TNK1: variants seen among roughly 807,000 people sequenced by gnomAD.
The protein encoded by TNK1 is non-receptor tyrosine-protein kinase TNK1.
TNK1 carries 53 observed loss-of-function variants against 65.2 expected under a neutral mutation model. That is an observed-to-expected ratio of 0.81 (90% CI 0.65 to 1.02). TNK1 has a LOEUF of 1.02. TNK1 is among the 50% of genes least tolerant of loss of function. TNK1 has a pLI of 0.00. For synonymous variants in TNK1, 353 were observed against 364.6 expected, an observed-to-expected ratio of 0.97 and a Z score of 0.36; for missense variants, 837 against 878.4, an observed-to-expected ratio of 0.95 and a Z score of 0.60.
At chr17:7,386,431 G>C in intron 7 of TNK1, 130 bp from the exon 8 acceptor site, 1 of 667,818 alleles carries the variant, frequency 1.5e-6, no homozygotes, top group South Asian at 1.8e-5. Flanking sequence ...ACAATGGGGG[G>C]ACAGGGAGAG....
In TNK1 at chr17:7,382,741, A is replaced by G. The variant is rs112588249; in HGVS notation, c.-91-95A>G. 140 of 656,160 alleles carry G rather than the reference A, an allele frequency of 2.1e-4. No homozygotes were observed. The African/African-American group carries it at 2.4e-3, about 11-fold the overall frequency. 40.6% of individuals were successfully genotyped at this position (656,160 alleles called of 1,614,324 possible). The stretch of plus-strand genomic sequence containing the variant: ...ACCCGGATGCCTGGGCACGGGGAAC[A>G]TTCTATCTGGGATTTGTGTGCGTGA... On this transcript the variant is annotated intron_variant, in intron 1 of 12. Coordinates refer to ENST00000688331, the MANE Select transcript of TNK1 (RefSeq NM_003985.6). The surrounding 1 kb of genome is among the most constrained non-coding windows in gnomAD (Gnocchi z 4.1).
At chr17:7,380,346 T>C (rs999708597), upstream of TNK1, among the ~76,000 whole-genome samples, 28 of 152,088 alleles carry the variant, frequency 1.8e-4, no homozygotes, top group African/African-American at 4.3e-4. Flanking sequence ...CGGAGACAAA[T>C]GGTCCTCCTC....
At position 7,388,602 on chromosome 17, in the gene TNK1, A is replaced by AC. The variant is rs752611789; in HGVS notation, c.1679dup (p.His561ThrfsTer12). ...AGAGGCTTCCCTGGCCCAAAAGAAA[A>AC]CCCCCACACAATCACCCCATGGGAA... On this transcript the variant is annotated frameshift_variant, in exon 11 of 13. Coordinates refer to ENST00000688331, the MANE Select transcript of TNK1 (RefSeq NM_003985.6). LOFTEE classifies it high-confidence loss of function. The surrounding 1 kb of genome is among the most constrained non-coding windows in gnomAD (Gnocchi z 4.5). 2 of 1,612,816 alleles carry AC rather than the reference A, an allele frequency of 1.2e-6. No homozygotes were observed. Among genetic ancestry groups the AC allele is most frequent in the Non-Finnish European group, 1.7e-6 (2 of 1,179,686 alleles).
Position 7,389,234 on chromosome 17 carries a change from G to C in TNK1, c.*150G>C. ...CCACCTGCCGTAGGCACATGGAGGAGGAGCCCAGAGTTGGGCACTGGCAAA... is the reference window on the plus strand; with the variant it reads ...CCACCTGCCGTAGGCACATGGAGGACGAGCCCAGAGTTGGGCACTGGCAAA... On this transcript the variant is annotated 3_prime_UTR_variant, in exon 13 of 13. Coordinates refer to ENST00000688331, the MANE Select transcript of TNK1 (RefSeq NM_003985.6). The C allele has an allele frequency of 1.6e-6, 1 of 642,462 alleles. No individual in the cohort carries two copies. The highest frequency in any genetic ancestry group is 2.8e-5 in the East Asian group (1 of 36,324). 39.8% of individuals were successfully genotyped at this position (642,462 alleles called of 1,614,324 possible).
rs1905361489 is a variant in TNK1 at position 7,388,673 on chromosome 17, C to T, written c.1745C>T (p.Ser582Phe). The change falls in exon 11 of 13, where the codon TCC (serine) becomes TTC (phenylalanine). Residue 582 changes from serine (S) to phenylalanine (F), a missense_variant. Ser to Phe is a radical substitution (Grantham distance 155). Transcript: ENST00000688331. This position sits in a 1 kb window ranked among gnomAD's most constrained non-coding sequence, Gnocchi z 4.5. ...GCTGCCCTCTCTGGAGGCCTCTTGT[C>T]CGATCCTGAGTTGCAGAGGAAGATT... ...KAAALSGGLL[S>F]DPELQRKIME... is the part of the protein sequence containing the mutation. 1.2e-6 allele frequency: 2 copies of T among 1,613,716 alleles called. No individual in the cohort carries two copies.
At chr17:7,380,400 G>C (rs1485468161), upstream of TNK1, 1 of 152,268 alleles carries the variant, frequency 6.6e-6, no homozygotes, top group Non-Finnish European at 1.5e-5. Flanking sequence ...GTGGCCACAG[G>C]CTAGGTAGCA....
In TNK1 at chr17:7,387,484, TGAG is replaced by T. The variant is rs1163182251; in HGVS notation, c.1477+31_1477+33del. On this transcript the variant is annotated intron_variant, in intron 10 of 12. Coordinates refer to ENST00000688331, the MANE Select transcript of TNK1 (RefSeq NM_003985.6). Reference sequence around the variant, plus strand: ...TGGGTGTGGTGGACTCCAGAGTCTCTGAGGAGATCAAGACCAGTCCTTCAATTC... The same window carrying T: ...TGGGTGTGGTGGACTCCAGAGTCTCTGAGATCAAGACCAGTCCTTCAATTC... 4.5e-6 allele frequency: 7 copies of T among 1,562,968 alleles called. No homozygotes were observed. The Admixed American group carries it at 1.3e-4, about 30-fold the overall frequency.
intron 8 of TNK1, 135 bp downstream of exon 8, chr17:7,386,790 G>T (rs1905203327): frequency 1.8e-6 from 2 of 1,098,678 alleles, no homozygotes; most frequent in Non-Finnish European, 2.6e-6. Flanking sequence ...ACTGGGTCCT[G>T]AAAGCTCCAG....
Position 7,388,937 on chromosome 17 carries a change from C to T in TNK1, c.1873-34C>T. 6.4e-7 allele frequency: 1 copy of T among 1,555,958 alleles called. No homozygotes were observed. The highest frequency in any genetic ancestry group is 8.7e-7 in the Non-Finnish European group (1 of 1,149,050). ...CTCCTCTCCTGCCCCTGCCGCCTGG[C>T]AGTCAGCTGCAACCCACCCTCCTGC... On this transcript the variant is annotated intron_variant, in intron 12 of 12. Coordinates refer to ENST00000688331, the MANE Select transcript of TNK1 (RefSeq NM_003985.6). This position sits in a 1 kb window ranked among gnomAD's most constrained non-coding sequence, Gnocchi z 4.5.
At position 7,386,614 on chromosome 17, in the gene TNK1, G is replaced by T; in HGVS notation, c.1191G>T (p.Leu397=). ...GGGATGTCACAGAACCAGGCGCCCTGAGGATGGAGACTGGTGACCCCATCA... is the reference window on the plus strand; with the variant it reads ...GGGATGTCACAGAACCAGGCGCCCTTAGGATGGAGACTGGTGACCCCATCA... The part of the protein sequence containing the change: ...CVRDVTEPGA[L]RMETGDPITV... The change falls in exon 8 of 13, where the codon CTG becomes CTT. Residue 397 remains leucine, a synonymous_variant. Coordinates refer to ENST00000688331, the MANE Select transcript of TNK1 (RefSeq NM_003985.6). 1 of 1,603,210 alleles carries T rather than the reference G, an allele frequency of 6.2e-7. No individual in the cohort carries two copies. The highest frequency in any genetic ancestry group is 1.7e-5 in the Admixed American group (1 of 58,596).
In TNK1 at chr17:7,389,377, G is replaced by A; in HGVS notation, c.*293G>A. ...CAAGAGGACTTGGAAGAAAAGAGCT[G>A]CTATACATCATATGCAGAGGAAGCT... On this transcript the variant is annotated 3_prime_UTR_variant, in exon 13 of 13. Transcript: ENST00000688331. 1 of 522,582 alleles carries A rather than the reference G, an allele frequency of 1.9e-6. No homozygotes were observed. Among genetic ancestry groups the A allele is most frequent in the Non-Finnish European group, 3.4e-6 (1 of 295,478 alleles). The allele number at this position is 522,582 out of a possible 1,614,324, so 32.4% of individuals were successfully genotyped here.
chr17:7,389,087 T>C lies in TNK1; in HGVS notation c.*3T>C. The C allele has an allele frequency of 1.3e-6, 2 of 1,550,654 alleles. No individual in the cohort carries two copies. Among genetic ancestry groups the C allele is most frequent in the Non-Finnish European group, 1.7e-6 (2 of 1,146,084 alleles). The stretch of plus-strand genomic sequence containing the variant: ...GCTATGTCCTGGCCAGGCCCTGAGC[T>C]CAGCTTCTGCGGGCACAGACACCAG... On this transcript the variant is annotated 3_prime_UTR_variant, in exon 13 of 13. Coordinates refer to ENST00000688331, the MANE Select transcript of TNK1 (RefSeq NM_003985.6).
In TNK1 at chr17:7,388,154, G is replaced by A. The variant is rs1376442419; in HGVS notation, c.1478-252G>A. ...GAAGACAGAGAGTGGGGCCAGGCAT[G>A]GTGGCTCAAGCCTGTAATCCCAGCA... is the stretch of plus-strand genomic sequence containing the variant. On this transcript the variant is annotated intron_variant, in intron 10 of 12. Transcript: ENST00000688331. This position sits in a 1 kb window ranked among gnomAD's most constrained non-coding sequence, Gnocchi z 4.5. 1.3e-5 allele frequency among the ~76,000 whole-genome samples: 2 copies of A among 152,208 alleles called. No individual in the cohort carries two copies.
chr17:7,384,787 C>T (rs1208269306), intron 7 of TNK1, 33 bp downstream of exon 7: 2 of 1,547,678 alleles, frequency 1.3e-6, no homozygotes. Flanking sequence ...GATACACAGT[C>T]CCTCTTCCCT....
At chr17:7,385,180 C>T (rs1905110615) in intron 7 of TNK1, among the ~76,000 whole-genome samples, 1 of 152,020 alleles carries the variant, frequency 6.6e-6, no homozygotes, top group African/African-American at 2.4e-5. Context: ...GCCTGACCAA[C>T]ATGGAGAAAC....
chr17:7,387,588 T>A, intron 10 of TNK1, 131 bp downstream of exon 10: 1 of 711,024 alleles, frequency 1.4e-6, no homozygotes, highest in Non-Finnish European at 2.2e-6. Context: ...GCATCCTAGC[T>A]ATACTGTGCA....
chr17:7,384,741 G>A lies in TNK1; in HGVS notation c.1124G>A (p.Gly375Glu), dbSNP rs1368802914. 6.3e-7 allele frequency: 1 copy of A among 1,578,546 alleles called. No individual in the cohort carries two copies. Among genetic ancestry groups the A allele is most frequent in the Non-Finnish European group, 8.6e-7 (1 of 1,167,980 alleles). The change falls in exon 7 of 13, where the codon GGG becomes GAG. Residue 375 changes from glycine (G) to glutamate (E), a missense_variant. Physicochemically the swap from Gly to Glu is moderately conservative, Grantham distance 98. Coordinates refer to ENST00000688331, the MANE Select transcript of TNK1 (RefSeq NM_003985.6). ...ADRPSFSHLE[G>E]LLQEAGPSEA... ...CGGCCTAGCTTTTCCCACCTGGAGGGGCTGCTGCAAGAGGTGGGAACCCCC... is the reference window on the plus strand; with the variant it reads ...CGGCCTAGCTTTTCCCACCTGGAGGAGCTGCTGCAAGAGGTGGGAACCCCC...
rs763237021 is a variant in TNK1 at position 7,383,248 on chromosome 17, A to G, written c.164-2A>G. ...TCCAGCCCTGATTCTGGCCTCCCAC[A>G]GCCCAGCGCAGACTGTCCGAAGCTC... On this transcript the variant is annotated splice_acceptor_variant, in intron 2 of 12. Coordinates refer to ENST00000688331, the MANE Select transcript of TNK1 (RefSeq NM_003985.6). LOFTEE classifies it high-confidence loss of function. 24 of 1,613,818 alleles carry G rather than the reference A, an allele frequency of 1.5e-5. No homozygotes were observed. The Admixed American group carries it at 3.8e-4, about 26-fold the overall frequency.
In TNK1 at chr17:7,384,019, C is replaced by G. The variant is rs969509504; in HGVS notation, c.632C>G (p.Pro211Arg). The G allele has an allele frequency of 1.1e-5, 17 of 1,505,552 alleles. No homozygotes were observed. The South Asian group carries it at 2.0e-4, about 18-fold the overall frequency. The allele number at this position is 1,505,552 out of a possible 1,614,324, so 93.3% of individuals were successfully genotyped here. A position where few individuals can be genotyped will look rare whatever the true frequency, so the allele number is the denominator to read the frequency against. ...LGSLHARLTA[P>R]APTPPLLVAL... ...TCCCTGCACGCGCGCCTAACGGCCC[C>G]GGCCCCGACACCCCCGCTGCTCGTG... Residue 211 changes from proline (P) to arginine (R), a missense_variant, in exon 6 of 13, where the codon CCG becomes CGG. Coordinates refer to ENST00000688331, the MANE Select transcript of TNK1 (RefSeq NM_003985.6).
Sources: gnomAD v4.1 joint callset for allele counts (sites outside exome capture counted in the v4.1 genomes callset) on GRCh38, gnomAD v4.1.1 for gene constraint, Gnocchi (gnomAD v3.1) non-coding constraint, MANE v1.5 for transcripts, NCBI Gene and HGNC (gene_info 2026-07-23, HGNC 2026-07-21) for gene names.